The following APRT variants were observed in gnomAD, a reference collection of about 807,000 sequenced individuals.
APRT encodes the protein adenine phosphoribosyltransferase.
APRT carries 25 observed loss-of-function variants against 21.0 expected under a neutral mutation model. That is an observed-to-expected ratio of 1.19 (90% CI 0.87 to 1.66). The LOEUF is 1.66. APRT is among the 40% of genes most tolerant of loss of function. The pLI, the probability that APRT is intolerant of heterozygous loss-of-function variation, is 0.00. For synonymous variants in APRT, 153 were observed against 109.0 expected (o/e 1.40, Z -2.52); for missense variants, 294 against 232.7 (o/e 1.26, Z -1.72).
At position 88,811,919 on chromosome 16, in the gene APRT, G is replaced by C. The variant is rs1349910748; in HGVS notation, c.-20C>G. The stretch of plus-strand genomic sequence containing the variant: ...GGCCATGGCCGCGTGCGAAGAGCCA[G>C]CGGCAGCCCGAGCGCGCCTGCGCGG... On this transcript the variant is annotated 5_prime_UTR_variant, in exon 1 of 5. Transcript: ENST00000378364. 3.9e-6 allele frequency: 6 copies of C among 1,537,808 alleles called. No individual in the cohort carries two copies. Among genetic ancestry groups the C allele is most frequent in the Non-Finnish European group, 4.4e-6 (5 of 1,145,110 alleles).
rs1325996645 is a variant in APRT, at chr16:88,809,401, G to C, written c.*297C>G. 4 of 542,796 alleles carry C rather than the reference G, an allele frequency of 7.4e-6. No homozygotes were observed. Among genetic ancestry groups the C allele is most frequent in the Non-Finnish European group, 1.4e-5 (4 of 283,880 alleles). 33.6% of individuals were successfully genotyped at this position (542,796 alleles called of 1,614,324 possible). ...TCACGCCAAGCAGCACATGCCCACA[G>C]TACAGCTGAAGTCTGGTGTTGTCCT... On this transcript the variant is annotated 3_prime_UTR_variant, in exon 5 of 5. Coordinates refer to ENST00000378364, the MANE Select transcript of APRT (RefSeq NM_000485.3).
chr16:88,811,504 G>T, intron 2 of APRT, 46 bp downstream of exon 2: 1 of 1,523,484 alleles, frequency 6.6e-7, no homozygotes. Flanking sequence ...TGCCCTCGGC[G>T]CGCGCAGAGG....
intron 1 of APRT, 51 bp downstream of exon 1, chr16:88,811,769 C>T (rs1337532252): frequency 6.6e-7 from 1 of 1,522,042 alleles, no homozygotes; most frequent in African/African-American, 1.4e-5. Context: ...CACGCGCTCC[C>T]ATCCGTAGGC....
At chr16:88,811,478 C>G in intron 2 of APRT, 72 bp downstream of exon 2, 2 of 1,449,538 alleles carry the variant, frequency 1.4e-6, no homozygotes, top group Non-Finnish European at 1.9e-6. Flanking sequence ...CAAGCAGACG[C>G]GCAGAGCCCA....
At chr16:88,811,464 C>T (rs1430712808) in intron 2 of APRT, 86 bp downstream of exon 2, 21 of 1,393,152 alleles carry the variant, frequency 1.5e-5, no homozygotes, top group Non-Finnish European at 2.0e-5. Flanking sequence ...CAAAGGCCCT[C>T]CCCCAAGCAG....
chr16:88,810,072 C>T lies in APRT; in HGVS notation c.398G>A (p.Gly133Asp), dbSNP rs1909055807. ...VVVVDDLLAT[G>D]GTMNAACELL... ...GTTGGCTGCGGGGAGACCCTTACCACCAGTGGCCAGCAGATCATCCACGAC... is the reference window on the plus strand; with the variant it reads ...GTTGGCTGCGGGGAGACCCTTACCATCAGTGGCCAGCAGATCATCCACGAC... The change falls in exon 4 of 5, where the codon GGT becomes GAT. Residue 133 changes from glycine (G) to aspartate (D), a missense_variant and splice_region_variant. Physicochemically the swap from Gly to Asp is moderately conservative, Grantham distance 94. Transcript: ENST00000378364. The T allele has an allele frequency of 1.2e-6, 2 of 1,613,176 alleles. No individual in the cohort carries two copies. Among genetic ancestry groups the T allele is most frequent in the East Asian group, 2.2e-5 (1 of 44,886 alleles).
At chr16:88,810,965 G>A (rs970094538) in intron 2 of APRT, among the ~76,000 whole-genome samples, 1 of 152,184 alleles carries the variant, frequency 6.6e-6, no homozygotes, top group Non-Finnish European at 1.5e-5. Flanking sequence ...CGGCCTGGCA[G>A]GAGGTCAGGG....
intron 2 of APRT, 126 bp downstream of exon 2, chr16:88,811,424 G>A (rs1909132955): frequency 9.6e-7 from 1 of 1,044,406 alleles, no homozygotes; most frequent in Non-Finnish European, 1.4e-6. Flanking sequence ...CCCAAGCACG[G>A]CGCCCGTCCC....
intron 2 of APRT, 116 bp downstream of exon 2, chr16:88,811,434 C>A: frequency 8.7e-7 from 1 of 1,144,832 alleles, no homozygotes; most frequent in South Asian, 1.4e-5. Flanking sequence ...GCGCCCGTCC[C>A]GGCGCCCCCT....
chr16:88,811,569 GC>G lies in APRT; in HGVS notation c.167del (p.Gly56AlafsTer9). 1 of 1,599,432 alleles carries G rather than the reference GC, an allele frequency of 6.3e-7. No homozygotes were observed. Among genetic ancestry groups the G allele is most frequent in the Non-Finnish European group, 8.5e-7 (1 of 1,174,226 alleles). On this transcript the variant is annotated frameshift_variant, in exon 2 of 5. Transcript: ENST00000378364. LOFTEE classifies it high-confidence loss of function. ...LARHLKATHG[G>X]RIDYIAGLDS... ...ACTCGCCTGCGATGTAGTCGATGCG[GC>G]CCCCGTGGGTCGCCTTCAGGTGTCG...
Position 88,811,599 on chromosome 16 carries a change from CAGG to C in APRT, c.135_137del (p.Leu46del). Reference sequence around the variant, plus strand: ...CGTGGGTCGCCTTCAGGTGTCGCGCCAGGAGGCCGATGGCGGCGCGGAAGGAGG... The same window carrying C: ...CGTGGGTCGCCTTCAGGTGTCGCGCCAGGCCGATGGCGGCGCGGAAGGAGG... On this transcript the variant is annotated inframe_deletion, in exon 2 of 5. Transcript: ENST00000378364. The C allele has an allele frequency of 6.2e-7, 1 of 1,604,440 alleles. No homozygotes were observed. The highest frequency in any genetic ancestry group is 8.5e-7 in the Non-Finnish European group (1 of 1,176,368).
At chr16:88,810,894 G>C (rs1330235081) in intron 2 of APRT, among the ~76,000 whole-genome samples, 1 of 152,140 alleles carries the variant, frequency 6.6e-6, no homozygotes, top group Non-Finnish European at 1.5e-5. Flanking sequence ...TGTCTAAAAA[G>C]GGAGTCTCTC....
intron 1 of APRT, 78 bp downstream of exon 1, chr16:88,811,742 G>A: frequency 1.3e-6 from 2 of 1,500,898 alleles, no homozygotes; most frequent in South Asian, 2.5e-5. Flanking sequence ...CGCCCCGCCC[G>A]CCCGGAGGTC....
intron 2 of APRT, 153 bp downstream of exon 2, chr16:88,811,397 C>T (rs1909131439): frequency 1.2e-6 from 1 of 828,334 alleles, no homozygotes; most frequent in Admixed American, 2.6e-5. Context: ...CTCAATCTCA[C>T]AACCCTTCCC....
rs1909165704 is a variant in APRT, at chr16:88,811,890, A to G, written c.10T>C (p.Ser4Pro). 18 of 1,556,338 alleles carry G rather than the reference A, an allele frequency of 1.2e-5. No homozygotes were observed. The highest frequency in any genetic ancestry group is 1.5e-5 in the Non-Finnish European group (17 of 1,153,086). Residue 4 changes from serine to proline, a missense_variant, in exon 1 of 5, where the codon TCC (serine) becomes CCC (proline). Ser to Pro is a moderately conservative substitution (Grantham distance 74). Transcript: ENST00000378364. ...CGCTGCTCAACCAGCTGCAGCTCGG[A>G]GTCGGCCATGGCCGCGTGCGAAGAG... The part of the protein sequence containing the change: MAD[S>P]ELQLVEQRIR...
At chr16:88,811,401 C>G (rs941036450) in intron 2 of APRT, 149 bp downstream of exon 2, 1 of 848,834 alleles carries the variant, frequency 1.2e-6, no homozygotes, top group Non-Finnish European at 1.8e-6. Context: ...ATCTCACAAC[C>G]CTTCCCGGGC....
rs542789654 is a variant in APRT, at chr16:88,810,104, C to T, written c.366G>A (p.Arg122=). 3.7e-6 allele frequency: 6 copies of T among 1,613,304 alleles called. No homozygotes were observed. In the South Asian group the frequency reaches 5.5e-5, roughly 15 times the overall value. Residue 122 remains arginine, a synonymous_variant, in exon 4 of 5, where the codon AGG becomes AGA. Transcript: ENST00000378364. ...IQKDALEPGQ[R]VVVVDDLLAT... is the part of the protein sequence containing the mutation. The stretch of plus-strand genomic sequence containing the variant: ...CCAGCAGATCATCCACGACGACCAC[C>T]CTCTGTCCTGGCTCCAGGGCGTCTT...
rs375833985 is a variant in APRT at position 88,809,947 on chromosome 16, C to T, written c.401-107G>A. On this transcript the variant is annotated intron_variant, in intron 4 of 4. Coordinates refer to ENST00000378364, the MANE Select transcript of APRT (RefSeq NM_000485.3). ...GGAAGGCATGGGGAGAGGAAGGTGT[C>T]GGCCTGGCCACCAGGCACCCTCTGG... is the stretch of plus-strand genomic sequence containing the variant. 157 of 1,569,400 alleles carry T rather than the reference C, an allele frequency of 1.0e-4. No individual in the cohort carries two copies. In the East Asian group the frequency reaches 1.1e-3, roughly 11 times the overall value.
chr16:88,810,798 G>C (rs1012554543), intron 2 of APRT, among the ~76,000 whole-genome samples: 1 of 152,168 alleles, frequency 6.6e-6, no homozygotes, highest in African/African-American at 2.4e-5. Flanking sequence ...CCCTCTCTCT[G>C]AGCTGAGCAG....
Sources: gnomAD v4.1 joint callset for allele counts (sites outside exome capture counted in the v4.1 genomes callset) on GRCh38, gnomAD v4.1.1 for gene constraint, MANE v1.5 for transcripts, NCBI Gene and HGNC (gene_info 2026-07-23, HGNC 2026-07-21) for gene names.